The following CYSLTR1 variants were observed in gnomAD, a reference collection of about 807,000 sequenced individuals.
CYSLTR1 encodes G-protein coupled receptor HG55.
Under a neutral mutation model 2.1 loss-of-function variants are expected in CYSLTR1, and 1 was observed. The observed-to-expected ratio is 0.48, with a 90% CI of 0.17 to 2.28. The LOEUF is 2.28. CYSLTR1 is among the 30% of genes most tolerant of loss of function. CYSLTR1 has a pLI of 0.26. For synonymous variants in CYSLTR1, 110 were observed against 89.6 expected, an observed-to-expected ratio of 1.23 and a Z score of -1.28; for missense variants, 299 against 250.1, an observed-to-expected ratio of 1.20 and a Z score of -1.32.
intron 2 of CYSLTR1, among the ~76,000 whole-genome samples, chrX:78,275,693 C>A (rs1005704719): frequency 9.0e-6 from 1 of 111,187 alleles, no homozygotes; most frequent in Admixed American, 9.6e-5. Context: ...AACAAACTTG[C>A]ACGTTGTGCA....
chrX:78,310,349 C>T (rs1375164362), intron 1 of CYSLTR1, among the ~76,000 whole-genome samples: 1 of 111,958 alleles, frequency 8.9e-6, no homozygotes, highest in African/African-American at 3.2e-5. Flanking sequence ...GCTGTATTGC[C>T]ATTTATAAAA....
At chrX:78,318,065 A>T (rs1457811167) in intron 1 of CYSLTR1, among the ~76,000 whole-genome samples, 1 of 112,523 alleles carries the variant, frequency 8.9e-6, no homozygotes, top group African/African-American at 3.2e-5. Flanking sequence ...AAATTCTTCT[A>T]TTATAAGGAC....
intron 2 of CYSLTR1, among the ~76,000 whole-genome samples, chrX:78,279,751 G>T (rs1921751232): frequency 8.9e-6 from 1 of 112,043 alleles, no homozygotes; most frequent in Admixed American, 9.5e-5. Context: ...TACACTATTT[G>T]ATACTAGGCA....
At chrX:78,322,060 A>C (rs2147278214) in intron 1 of CYSLTR1, among the ~76,000 whole-genome samples, 1 of 111,394 alleles carries the variant, frequency 9.0e-6, no homozygotes, top group East Asian at 2.8e-4. Flanking sequence ...CCTAAAACCG[A>C]TACTTCCTCT....
At chrX:78,323,615 C>G (rs192605644) in intron 1 of CYSLTR1, among the ~76,000 whole-genome samples, 49 of 112,040 alleles carry the variant, frequency 4.4e-4, no homozygotes, top group African/African-American at 1.6e-3. Context: ...CACTGTTAAT[C>G]TGAAATTTAT....
chrX:78,278,192 A>G (rs996778063), intron 2 of CYSLTR1, among the ~76,000 whole-genome samples: 1 of 112,207 alleles, frequency 8.9e-6, no homozygotes, highest in African/African-American at 3.2e-5. Context: ...CTCAAAGATC[A>G]GTTCTCAGAA....
chrX:78,314,513 A>C, intron 1 of CYSLTR1, among the ~76,000 whole-genome samples: 1 of 111,569 alleles, frequency 9.0e-6, no homozygotes, highest in East Asian at 2.8e-4. Flanking sequence ...AGAAAGAGGC[A>C]CTAAAAAGGT....
intron 1 of CYSLTR1, among the ~76,000 whole-genome samples, chrX:78,287,366 C>CA: frequency 9.0e-6 from 1 of 111,641 alleles, no homozygotes; most frequent in Non-Finnish European, 1.9e-5. Context: ...CCCAAAAAGA[C>CA]AAACTATAGA....
intron 1 of CYSLTR1, among the ~76,000 whole-genome samples, chrX:78,291,596 CT>C (rs1358671824): frequency 9.0e-6 from 1 of 110,504 alleles, no homozygotes; most frequent in African/African-American, 3.3e-5. Context: ...TGGTCCTGGA[CT>C]TTTTTTGGTT....
chrX:78,300,605 T>C (rs1419826738), intron 1 of CYSLTR1, among the ~76,000 whole-genome samples: 1 of 112,649 alleles, frequency 8.9e-6, no homozygotes, highest in East Asian at 2.8e-4. Context: ...AGACTTGTTC[T>C]CTTTCTTTAC....
chrX:78,314,227 G>C (rs1923323142), intron 1 of CYSLTR1, among the ~76,000 whole-genome samples: 1 of 111,886 alleles, frequency 8.9e-6, no homozygotes, highest in African/African-American at 3.3e-5. Flanking sequence ...GTATTCTCAG[G>C]ATGTTAGAAC....
At chrX:78,308,645 G>A (rs184791680) in intron 1 of CYSLTR1, among the ~76,000 whole-genome samples, 79 of 112,266 alleles carry the variant, frequency 7.0e-4, no homozygotes, top group Non-Finnish European at 9.8e-4. Flanking sequence ...TCTAACCATA[G>A]AACTTACTAC....
Position 78,280,445 on chromosome X carries a change from G to A in CYSLTR1, c.-28+3009C>T, listed in dbSNP as rs777481227. Reference sequence around the variant, plus strand: ...TGTACAATGTGATGATTTCATGTGAGTATACACTGTGAAATCATTTCCCTA... The same window carrying A: ...TGTACAATGTGATGATTTCATGTGAATATACACTGTGAAATCATTTCCCTA... On this transcript the variant is annotated intron_variant, in intron 2 of 2. Transcript: ENST00000373304. Among the ~76,000 whole-genome samples the A allele has an allele frequency of 2.8e-5, 3 of 108,272 alleles. No individual in the cohort carries two copies. In the South Asian group the frequency reaches 1.2e-3, roughly 45 times the overall value. 94.0% of individuals were successfully genotyped at this position (108,272 alleles called of 115,157 possible).
At chrX:78,285,098 G>T (rs746035233) in intron 1 of CYSLTR1, among the ~76,000 whole-genome samples, 1 of 111,238 alleles carries the variant, frequency 9.0e-6, no homozygotes, top group African/African-American at 3.3e-5. Flanking sequence ...CCGGGTCTCC[G>T]TACATCAATA....
intron 1 of CYSLTR1, among the ~76,000 whole-genome samples, chrX:78,301,271 A>T (rs1433588723): frequency 8.9e-6 from 1 of 112,405 alleles, no homozygotes; most frequent in Non-Finnish European, 1.9e-5. Flanking sequence ...TCTGCAGCTG[A>T]CTTGAATTTC....
intron 1 of CYSLTR1, among the ~76,000 whole-genome samples, chrX:78,293,455 C>A (rs1922442688): frequency 9.0e-6 from 1 of 111,228 alleles, no homozygotes; most frequent in African/African-American, 3.3e-5. Context: ...AATTATGTAT[C>A]CTGGAGTTGC....
In CYSLTR1 at chrX:78,273,124, C is replaced by A. The variant is rs1921367962; in HGVS notation, c.623G>T (p.Cys208Phe). Residue 208 changes from cysteine to phenylalanine, a missense_variant, in exon 3 of 3, where the codon TGT becomes TTT. Coordinates refer to ENST00000373304, the MANE Select transcript of CYSLTR1 (RefSeq NM_006639.4). ...FIIPFVIIIV[C>F]YTMIILTLLK... The stretch of plus-strand genomic sequence containing the variant: ...TAAGGTCAAAATGATCATTGTGTAA[C>A]AGACAATTATAATAACAAAAGGGAT... 8.3e-7 allele frequency: 1 copy of A among 1,206,028 alleles called. No homozygotes were observed. Among genetic ancestry groups the A allele is most frequent in the African/African-American group, 1.8e-5 (1 of 56,826 alleles).
chrX:78,303,631 C>T (rs1922911197), intron 1 of CYSLTR1, among the ~76,000 whole-genome samples: 1 of 111,051 alleles, frequency 9.0e-6, no homozygotes, highest in South Asian at 3.8e-4. Flanking sequence ...TAGTACAGTG[C>T]CCTTTAAATA....
At chrX:78,300,309 TTCATTTGGCAAGG>T (rs200461981) in intron 1 of CYSLTR1, among the ~76,000 whole-genome samples, 10,631 of 112,251 alleles carry the variant, frequency 0.095, 481 homozygotes, top group African/African-American at 0.17. Flanking sequence ...ACTTATTTAG[TTCATTTGGCAAGG>T]TCATGATCTC....
Sources: allele counts gnomAD v4.1 joint callset (sites outside exome capture counted in the v4.1 genomes callset), GRCh38; gene constraint gnomAD v4.1.1; transcripts MANE v1.5; gene names NCBI Gene and HGNC (gene_info 2026-07-23, HGNC 2026-07-21).